The following ESF1 variants were observed in gnomAD, a reference collection of about 807,000 sequenced individuals.
ESF1 encodes the protein ESF1 homolog.
A neutral mutation model predicts 92.0 loss-of-function variants in ESF1; 58 were observed. The observed-to-expected ratio is 0.63, with a 90% CI of 0.51 to 0.78. The LOEUF is 0.78. Among genes scored for constraint, ESF1 ranks in the 30% least tolerant of loss-of-function variants. ESF1 has a pLI of 0.00. For missense variants in ESF1, 922 were observed against 989.1 expected (o/e 0.93, Z 0.91); for synonymous variants, 321 against 313.7 (o/e 1.02, Z -0.24).
chr20:13,784,742 G>T, intron 1 of ESF1, 138 bp downstream of exon 1: 3 of 361,888 alleles, frequency 8.3e-6, no homozygotes, highest in Non-Finnish European at 1.6e-5. Flanking sequence ...ACCGAAAAAG[G>T]CTCAGGAGGA....
At chr20:13,737,876 G>A (rs2049985372) in intron 9 of ESF1, among the ~76,000 whole-genome samples, 1 of 152,154 alleles carries the variant, frequency 6.6e-6, no homozygotes, top group Non-Finnish European at 1.5e-5. Context: ...GGCTGGTCTT[G>A]AACTCCTGAC....
At chr20:13,763,878 T>A (rs1979314695) in intron 8 of ESF1, among the ~76,000 whole-genome samples, 1 of 152,204 alleles carries the variant, frequency 6.6e-6, no homozygotes. Flanking sequence ...ATGAGATGTC[T>A]GAACAAAGAA....
At chr20:13,766,097 G>A (rs1386329153) in intron 8 of ESF1, among the ~76,000 whole-genome samples, 1 of 152,116 alleles carries the variant, frequency 6.6e-6, no homozygotes, top group Non-Finnish European at 1.5e-5. Context: ...CCAGAATGCA[G>A]TACAGAGACA....
intron 9 of ESF1, among the ~76,000 whole-genome samples, chr20:13,743,795 G>T (rs183275105): frequency 6.6e-6 from 1 of 152,112 alleles, no homozygotes; most frequent in Non-Finnish European, 1.5e-5. Context: ...GGGATCTAGC[G>T]TACAGAATGG....
chr20:13,742,296 C>A (rs1172491654), intron 9 of ESF1, among the ~76,000 whole-genome samples: 1 of 151,970 alleles, frequency 6.6e-6, no homozygotes, highest in Non-Finnish European at 1.5e-5. Context: ...CATGGCAAAA[C>A]CCCGTCTCTA....
At chr20:13,756,371 A>G (rs75721913) in intron 9 of ESF1, among the ~76,000 whole-genome samples, 5,408 of 152,252 alleles carry the variant, frequency 0.036, 321 homozygotes, top group African/African-American at 0.12. Context: ...TTAAAATATC[A>G]ATTTTCCCCT....
intron 9 of ESF1, among the ~76,000 whole-genome samples, chr20:13,751,190 G>A (rs537626107): frequency 6.6e-6 from 1 of 152,266 alleles, no homozygotes; most frequent in South Asian, 2.1e-4. Flanking sequence ...AATAACACAC[G>A]GAACATGTGC....
rs536231037 is a variant in ESF1 at position 13,720,552 on chromosome 20, A to G, written c.2039-1568T>C. ...GGAACAGATACATCTAGAATATAAG[A>G]CATTCCAAAAGATCACTAGCCTGGG... On this transcript the variant is annotated intron_variant, in intron 11 of 13. Coordinates refer to ENST00000617257, the MANE Select transcript of ESF1 (RefSeq NM_001276380.2). Among the ~76,000 whole-genome samples the G allele has an allele frequency of 1.6e-4, 24 of 152,310 alleles. No individual in the cohort carries two copies. The South Asian group carries it at 4.8e-3, about 30-fold the overall frequency.
chr20:13,747,682 C>T (rs1425665440), intron 9 of ESF1, among the ~76,000 whole-genome samples: 1 of 149,730 alleles, frequency 6.7e-6, no homozygotes, highest in African/African-American at 2.5e-5. Flanking sequence ...AGTCACATGT[C>T]AGCTAATGAT....
intron 11 of ESF1, among the ~76,000 whole-genome samples, chr20:13,724,128 C>G (rs935724895): frequency 6.6e-6 from 1 of 152,102 alleles, no homozygotes; most frequent in African/African-American, 2.4e-5. Context: ...AACCCTGTCT[C>G]TACTAAAAAT....
chr20:13,744,288 G>C (rs1372597899), intron 9 of ESF1, among the ~76,000 whole-genome samples: 1 of 152,168 alleles, frequency 6.6e-6, no homozygotes, highest in Non-Finnish European at 1.5e-5. Flanking sequence ...AGAGACACCT[G>C]TAAAACACAT....
chr20:13,740,487 C>G (rs2050005078), intron 9 of ESF1, among the ~76,000 whole-genome samples: 1 of 152,080 alleles, frequency 6.6e-6, no homozygotes, highest in East Asian at 1.9e-4. Context: ...TGTAGAGATT[C>G]AAAGGGATGG....
chr20:13,723,463 T>C (rs1212593330), intron 11 of ESF1, among the ~76,000 whole-genome samples: 1 of 151,724 alleles, frequency 6.6e-6, no homozygotes, highest in Admixed American at 6.6e-5. Flanking sequence ...ATTTTTCTAA[T>C]ATTTCATTTC....
At position 13,776,103 on chromosome 20, in the gene ESF1, C is replaced by A. The variant is rs748688954; in HGVS notation, c.805G>T (p.Asp269Tyr). The A allele has an allele frequency of 1.9e-6, 3 of 1,613,948 alleles. No homozygotes were observed. The South Asian group carries it at 3.3e-5, about 18-fold the overall frequency. Residue 269 changes from aspartate (D) to tyrosine (Y), a missense_variant, in exon 3 of 14, where the codon GAC becomes TAC. Transcript: ENST00000617257. ...ITSVGRASGD[D>Y]DGSEDDEEED... ...TCTTCATCATCTTCACTTCCATCGT[C>A]ATCACCTGAAGCTCTACCAACACTT...
At chr20:13,735,579 T>C (rs2049970771) in intron 9 of ESF1, among the ~76,000 whole-genome samples, 1 of 152,118 alleles carries the variant, frequency 6.6e-6, no homozygotes, top group Non-Finnish European at 1.5e-5. Flanking sequence ...AACAAGTTGA[T>C]TTCAAAGAAC....
intron 10 of ESF1, among the ~76,000 whole-genome samples, chr20:13,729,432 T>A (rs528979630): frequency 1.0e-3 from 158 of 152,076 alleles, no homozygotes; most frequent in African/African-American, 3.7e-3. Context: ...TAAATAAAAA[T>A]AATTCAAGAT....
chr20:13,743,960 A>T (rs531151488), intron 9 of ESF1, among the ~76,000 whole-genome samples: 34 of 152,332 alleles, frequency 2.2e-4, no homozygotes, highest in African/African-American at 7.7e-4. Flanking sequence ...TAAATACTGA[A>T]ATCTGGATAA....
chr20:13,784,904 C>T lies in ESF1; in HGVS notation c.-68G>A. On this transcript the variant is annotated 5_prime_UTR_variant, in exon 1 of 14. In the 5' UTR this introduces an upstream ATG that the reference lacks. Transcript: ENST00000617257. The stretch of plus-strand genomic sequence containing the variant: ...CCGTCCGCAGTCCTACCAAGCCTCA[C>T]GTGGGGCTCACACCCACAATCCTCC... 1 of 647,878 alleles carries T rather than the reference C, an allele frequency of 1.5e-6. No individual in the cohort carries two copies. The highest frequency in any genetic ancestry group is 1.9e-5 in the South Asian group (1 of 52,760). 40.1% of individuals were successfully genotyped at this position (647,878 alleles called of 1,614,324 possible).
chr20:13,760,759 G>A (rs1334279846), intron 8 of ESF1, among the ~76,000 whole-genome samples: 11 of 150,544 alleles, frequency 7.3e-5, no homozygotes, highest in African/African-American at 2.4e-4. Context: ...AGGGAGGTGG[G>A]GGGGTCAGCC....
Sources: gnomAD v4.1 joint callset for allele counts (sites outside exome capture counted in the v4.1 genomes callset) on GRCh38, gnomAD v4.1.1 for gene constraint, MANE v1.5 for transcripts, NCBI Gene and HGNC (gene_info 2026-07-23, HGNC 2026-07-21) for gene names.